NOP58: variants seen among roughly 807,000 people sequenced by gnomAD.
NOP58 encodes NOP58 ribonucleoprotein.
NOP58 carries 44 observed loss-of-function variants against 71.2 expected under a neutral mutation model. That is an observed-to-expected ratio of 0.62 (90% CI 0.49 to 0.79). The LOEUF (loss-of-function observed/expected upper bound fraction) is 0.79, where lower values mean the gene tolerates loss of function less well. Ranked by LOEUF, NOP58 falls within the 30% of genes least tolerant of loss-of-function variation. The probability of loss-of-function intolerance (pLI) is 0.00; values close to 1 mark genes in which losing one functional copy is unlikely to be tolerated. For synonymous variants in NOP58, 228 were observed against 200.3 expected (o/e 1.14, Z -1.17); for missense variants, 538 against 620.2 (o/e 0.87, Z 1.41).
Position 202,275,226 on chromosome 2 carries a change from A to G in NOP58, c.122+37A>G, listed in dbSNP as rs765105531. 9 of 1,015,482 alleles carry G rather than the reference A, an allele frequency of 8.9e-6. No homozygotes were observed. In the East Asian group the frequency reaches 2.2e-4, roughly 25 times the overall value. The allele number at this position is 1,015,482 out of a possible 1,614,324, so 62.9% of individuals were successfully genotyped here. A position where few individuals can be genotyped will look rare whatever the true frequency, so the allele number is the denominator to read the frequency against. On this transcript the variant is annotated intron_variant, in intron 2 of 14. Coordinates refer to ENST00000264279, the MANE Select transcript of NOP58 (RefSeq NM_015934.5). Reference sequence around the variant, plus strand: ...TGAAATCAATAATTTAGCAGTTAACATTTAGGGCTTGTTTTATTTTTTACA... The same window carrying G: ...TGAAATCAATAATTTAGCAGTTAACGTTTAGGGCTTGTTTTATTTTTTACA...
At chr2:202,266,597 T>C (rs1321773766) in intron 1 of NOP58, among the ~76,000 whole-genome samples, 7 of 152,306 alleles carry the variant, frequency 4.6e-5, no homozygotes, top group African/African-American at 1.7e-4. Flanking sequence ...ATTACAGGCG[T>C]GAGCCACCGT....
chr2:202,267,666 C>T (rs916111823), intron 1 of NOP58, among the ~76,000 whole-genome samples: 19 of 152,100 alleles, frequency 1.2e-4, no homozygotes, highest in African/African-American at 4.3e-4. Context: ...CGTTAATTGC[C>T]GTAGTATACT....
intron 1 of NOP58, among the ~76,000 whole-genome samples, chr2:202,273,105 A>G (rs1381676433): frequency 6.6e-6 from 1 of 151,788 alleles, no homozygotes; most frequent in Non-Finnish European, 1.5e-5. Flanking sequence ...AGCCTGGGCG[A>G]CAGAGCGAGA....
chr2:202,303,447 T>C lies in NOP58; in HGVS notation c.*11T>C. On this transcript the variant is annotated 3_prime_UTR_variant, in exon 15 of 15. Coordinates refer to ENST00000264279, the MANE Select transcript of NOP58 (RefSeq NM_015934.5). ...GAGAACGAGGATTAACAGAAAGGAA[T>C]TACGATTATATCACCCGGACACACA... 19 of 1,607,714 alleles carry C rather than the reference T, an allele frequency of 1.2e-5. No homozygotes were observed. Among genetic ancestry groups the C allele is most frequent in the Non-Finnish European group, 1.6e-5 (19 of 1,177,016 alleles).
intron 13 of NOP58, among the ~76,000 whole-genome samples, chr2:202,302,083 C>CTTTTTTTTTTTTTTTT (rs71031885): frequency 1.6e-3 from 149 of 90,592 alleles, no homozygotes; most frequent in Non-Finnish European, 2.2e-3. Context: ...TTTTTTTTTT[C>CTTTTTTTTTTTTTTTT]TTTTTTTTTT....
Position 202,265,912 on chromosome 2 carries a change from G to C in NOP58, c.-30G>C. 1 of 1,614,102 alleles carries C rather than the reference G, an allele frequency of 6.2e-7. No homozygotes were observed. The highest frequency in any genetic ancestry group is 8.5e-7 in the Non-Finnish European group (1 of 1,179,986). On this transcript the variant is annotated 5_prime_UTR_variant, in exon 1 of 15. Coordinates refer to ENST00000264279, the MANE Select transcript of NOP58 (RefSeq NM_015934.5). ...TGAACTGACTCTACAGCTTCTGGCA[G>C]GCCGTGCGGCGCCCTGACCCGGCCT...
At chr2:202,267,972 G>A (rs745571694) in intron 1 of NOP58, among the ~76,000 whole-genome samples, 29 of 152,172 alleles carry the variant, frequency 1.9e-4, no homozygotes, top group Admixed American at 3.3e-4. Context: ...GCTCGAATAT[G>A]TTGACATTGA....
At chr2:202,272,057 A>C (rs548568358) in intron 1 of NOP58, among the ~76,000 whole-genome samples, 104 of 152,206 alleles carry the variant, frequency 6.8e-4, no homozygotes, top group African/African-American at 2.0e-3. Flanking sequence ...GTCTGGTTAT[A>C]TATTATTTTC....
chr2:202,290,531 C>A, intron 7 of NOP58, 74 bp downstream of exon 7: 1 of 1,312,862 alleles, frequency 7.6e-7, no homozygotes, highest in Non-Finnish European at 1.0e-6. Context: ...TGACGTATAG[C>A]ATTTTGTTAA....
At position 202,295,828 on chromosome 2, in the gene NOP58, C is replaced by A. The variant is rs1162570410; in HGVS notation, c.1062C>A (p.His354Gln). 1.3e-6 allele frequency: 2 copies of A among 1,576,558 alleles called. No homozygotes were observed. The highest frequency in any genetic ancestry group is 2.4e-5 in the South Asian group (2 of 84,290). ...ASLVGQTSPK[H>Q]KGKISRMLAA... ...TCGTGGGCCAGACAAGTCCCAAACA[C>A]AAAGGAAAGGTGTGTTATAGGGTTT... Residue 354 changes from histidine to glutamine, a missense_variant, in exon 10 of 15, where the codon CAC becomes CAA. Physicochemically the swap from His to Gln is conservative, Grantham distance 24. Transcript: ENST00000264279.
chr2:202,274,883 G>A (rs936141661), intron 1 of NOP58, among the ~76,000 whole-genome samples: 1 of 152,196 alleles, frequency 6.6e-6, no homozygotes, highest in Non-Finnish European at 1.5e-5. Flanking sequence ...AATAGCCACT[G>A]TACTACAGCT....
At chr2:202,267,649 A>C (rs1403036512) in intron 1 of NOP58, among the ~76,000 whole-genome samples, 1 of 152,134 alleles carries the variant, frequency 6.6e-6, no homozygotes, top group Non-Finnish European at 1.5e-5. Context: ...CTATCGATGA[A>C]TTTCACCGTT....
intron 3 of NOP58, 181 bp downstream of exon 3, chr2:202,278,183 C>T (rs1450647885): frequency 5.7e-6 from 4 of 699,218 alleles, no homozygotes; most frequent in Non-Finnish European, 1.1e-5. Flanking sequence ...ACCACTGAGA[C>T]AACATTGAGT....
intron 12 of NOP58, 40 bp downstream of exon 12, chr2:202,297,946 T>A (rs750874179): frequency 3.3e-6 from 4 of 1,212,184 alleles, no homozygotes; most frequent in Admixed American, 5.2e-5. Context: ...ATAGTTTTTT[T>A]AAATGTTAAT....
Position 202,303,626 on chromosome 2 carries a change from C to T in NOP58, c.*190C>T, listed in dbSNP as rs1452442734. The stretch of plus-strand genomic sequence containing the variant: ...ACCTTATGTCATCATTTCTTAGAGT[C>T]TTTGATATACAAATAAAATTTTCTT... On this transcript the variant is annotated 3_prime_UTR_variant, in exon 15 of 15. Transcript: ENST00000264279. The T allele has an allele frequency of 2.0e-5, 11 of 542,742 alleles. No homozygotes were observed. The highest frequency in any genetic ancestry group is 4.1e-5 in the Admixed American group (1 of 24,358). The allele number at this position is 542,742 out of a possible 1,614,324, so 33.6% of individuals were successfully genotyped here.
intron 11 of NOP58, 52 bp from the exon 12 acceptor site, chr2:202,297,793 T>C: frequency 9.2e-7 from 1 of 1,085,172 alleles, no homozygotes; most frequent in Non-Finnish European, 1.4e-6. Context: ...TAGTGTATTA[T>C]AAAGAGATTA....
intron 1 of NOP58, among the ~76,000 whole-genome samples, chr2:202,271,620 C>T (rs1207247905): frequency 6.6e-6 from 1 of 151,804 alleles, no homozygotes; most frequent in Non-Finnish European, 1.5e-5. Context: ...ATAGAGTATG[C>T]ACAGATATTA....
At chr2:202,286,681 CA>C (rs1440478803) in intron 5 of NOP58, among the ~76,000 whole-genome samples, 1 of 152,232 alleles carries the variant, frequency 6.6e-6, no homozygotes, top group East Asian at 1.9e-4. Flanking sequence ...GAAACTGAGT[CA>C]AAAATCCAAA....
rs144056381 is a variant in NOP58, at chr2:202,296,717, T to TTTTGTTTGTTTG, written c.1072-642_1072-631dup. Among the ~76,000 whole-genome samples the TTTTGTTTGTTTG allele has an allele frequency of 2.2e-3, 329 of 149,190 alleles. 2 individuals are homozygous for TTTTGTTTGTTTG. The highest frequency in any genetic ancestry group is 7.6e-3 in the African/African-American group (309 of 40,526). ...AGATTGAAAAAGAACCCACGCTTTTTTTTGTTTGTTTGTTTGTTTGTTTGT... is the reference window on the plus strand; with the variant it reads ...AGATTGAAAAAGAACCCACGCTTTTTTTTGTTTGTTTGTTTGTTTGTTTGTTTGTTTGTTTGT... On this transcript the variant is annotated intron_variant, in intron 10 of 14. Coordinates refer to ENST00000264279, the MANE Select transcript of NOP58 (RefSeq NM_015934.5).
Sources: allele counts gnomAD v4.1 joint callset (sites outside exome capture counted in the v4.1 genomes callset), GRCh38; gene constraint gnomAD v4.1.1; transcripts MANE v1.5; gene names NCBI Gene and HGNC (gene_info 2026-07-23, HGNC 2026-07-21).